The following CNTN3 variants were observed in gnomAD, a reference collection of about 807,000 sequenced individuals.
CNTN3 encodes the protein contactin-3.
Under a neutral mutation model 119.1 loss-of-function variants are expected in CNTN3, and 60 were observed. That is an observed-to-expected ratio of 0.50 (90% confidence interval 0.41 to 0.62). The LOEUF is 0.62. Among genes scored for constraint, CNTN3 ranks in the 20% least tolerant of loss-of-function variants. The pLI is 0.00. For synonymous variants in CNTN3, 450 were observed against 438.7 expected, an observed-to-expected ratio of 1.03 and a Z score of -0.32; for missense variants, 1,101 against 1,242.4, an observed-to-expected ratio of 0.89 and a Z score of 1.71.
chr3:74,344,393 A>G (rs539440687), intron 11 of CNTN3, among the ~76,000 whole-genome samples: 5 of 128,050 alleles, frequency 3.9e-5, no homozygotes, highest in South Asian at 2.5e-4. Context: ...AACCTTACAC[A>G]GTGGTTTTTT....
chr3:74,281,000 C>G (rs1365857578), intron 20 of CNTN3, among the ~76,000 whole-genome samples: 1 of 152,080 alleles, frequency 6.6e-6, no homozygotes, highest in Non-Finnish European at 1.5e-5. Flanking sequence ...GGAGGAAGAG[C>G]TTTCGAGATA....
At chr3:74,611,458 AAT>A (rs2106719432) in intron 1 of CNTN3, among the ~76,000 whole-genome samples, 1 of 152,292 alleles carries the variant, frequency 6.6e-6, no homozygotes, top group East Asian at 1.9e-4. Context: ...TTTCCAAAGA[AAT>A]GTCCCACTGT....
chr3:74,485,716 A>G (rs759053252), intron 4 of CNTN3, among the ~76,000 whole-genome samples: 1 of 149,810 alleles, frequency 6.7e-6, no homozygotes, highest in Non-Finnish European at 1.5e-5. Flanking sequence ...ATACACAACT[A>G]AAATAAAGAG....
At chr3:74,480,101 A>AT (rs908239273) in intron 4 of CNTN3, among the ~76,000 whole-genome samples, 133 of 152,218 alleles carry the variant, frequency 8.7e-4, no homozygotes, top group Non-Finnish European at 1.1e-3. Context: ...TTATGGCCCA[A>AT]TAAAATCCTA....
chr3:74,305,113 T>C (rs973024668), intron 13 of CNTN3, among the ~76,000 whole-genome samples: 1 of 152,216 alleles, frequency 6.6e-6, no homozygotes, highest in Non-Finnish European at 1.5e-5. Context: ...CTTTCTAGGA[T>C]GTAAACTCAA....
intron 4 of CNTN3, among the ~76,000 whole-genome samples, chr3:74,476,134 A>G (rs542482387): frequency 6.6e-6 from 1 of 152,174 alleles, no homozygotes; most frequent in South Asian, 2.1e-4. Flanking sequence ...CATGAGTTCA[A>G]TGTTAATGAA....
intron 13 of CNTN3, among the ~76,000 whole-genome samples, chr3:74,320,111 G>A (rs1183067078): frequency 1.3e-5 from 2 of 152,144 alleles, no homozygotes; most frequent in Non-Finnish European, 2.9e-5. Flanking sequence ...TCAGTGTGGC[G>A]ATTCCTCAGG....
At chr3:74,539,371 T>C (rs62268718) in intron 1 of CNTN3, among the ~76,000 whole-genome samples, 3,010 of 152,192 alleles carry the variant, frequency 0.02, 52 homozygotes, top group Non-Finnish European at 0.027. Flanking sequence ...ATGAGGGTGT[T>C]TAATCTTTCC....
chr3:74,290,521 T>G (rs1251123082), intron 19 of CNTN3, among the ~76,000 whole-genome samples: 1 of 152,198 alleles, frequency 6.6e-6, no homozygotes, highest in Non-Finnish European at 1.5e-5. Flanking sequence ...CGGTTTGGAA[T>G]CCCACAAGCC....
intron 2 of CNTN3, among the ~76,000 whole-genome samples, chr3:74,516,769 T>A (rs1703457254): frequency 6.9e-6 from 1 of 144,330 alleles, no homozygotes; most frequent in South Asian, 2.1e-4. Context: ...GAGCTAGCCC[T>A]GATAAGTAAA....
intron 1 of CNTN3, among the ~76,000 whole-genome samples, chr3:74,522,783 G>GA (rs59747912): frequency 0.067 from 9,825 of 146,850 alleles, 705 homozygotes; most frequent in African/African-American, 0.17. Context: ...GTGGAAAAAG[G>GA]AAAAAAAAAA....
chr3:74,461,216 A>G (rs1702361568), intron 4 of CNTN3, among the ~76,000 whole-genome samples: 2 of 152,004 alleles, frequency 1.3e-5, no homozygotes, highest in Non-Finnish European at 2.9e-5. Context: ...CAATTTGGTC[A>G]TGATGTATAA....
At chr3:74,418,043 G>A (rs1420061527) in intron 5 of CNTN3, among the ~76,000 whole-genome samples, 1 of 152,040 alleles carries the variant, frequency 6.6e-6, no homozygotes, top group East Asian at 1.9e-4. Flanking sequence ...TCTTGATCTT[G>A]CAGTTTGTGG....
At chr3:74,397,011 T>C (rs1705074104) in intron 5 of CNTN3, among the ~76,000 whole-genome samples, 1 of 152,178 alleles carries the variant, frequency 6.6e-6, no homozygotes, top group African/African-American at 2.4e-5. Context: ...GAAGATGTGA[T>C]CTAGGACTTT....
rs565952532 is a variant in CNTN3, at chr3:74,458,495, C to A, written c.358+27961G>T. On this transcript the variant is annotated intron_variant, in intron 4 of 22. Transcript: ENST00000263665. ...CCATGAGTATAGTTTTATTGGAACA[C>A]AAGCCACCCCCATTTGTCTACATAT... Among the ~76,000 whole-genome samples the A allele has an allele frequency of 2.8e-4, 42 of 152,138 alleles. 1 individual carries two copies. The highest frequency in any genetic ancestry group is 3.4e-3 in the Middle Eastern group (1 of 292).
At chr3:74,536,679 CT>C (rs1224069843) in intron 1 of CNTN3, among the ~76,000 whole-genome samples, 1 of 152,090 alleles carries the variant, frequency 6.6e-6, no homozygotes, top group Non-Finnish European at 1.5e-5. Flanking sequence ...TTCCTGCTTA[CT>C]TAGACCCTCC....
At chr3:74,550,330 G>T (rs192171763) in intron 1 of CNTN3, among the ~76,000 whole-genome samples, 20 of 152,286 alleles carry the variant, frequency 1.3e-4, no homozygotes, top group African/African-American at 3.6e-4. Flanking sequence ...TTGGTCAGAA[G>T]CCTAAAAGAA....
Position 74,451,316 on chromosome 3 carries a change from G to T in CNTN3, c.359-26376C>A, listed in dbSNP as rs574585888. Among the ~76,000 whole-genome samples the T allele has an allele frequency of 1.5e-3, 223 of 152,158 alleles. 2 individuals are homozygous for T. The highest frequency in any genetic ancestry group is 5.1e-3 in the African/African-American group (212 of 41,538). On this transcript the variant is annotated intron_variant, in intron 4 of 22. Transcript: ENST00000263665. ...TTTTGGCTGCATAAATGTCTTCTTT[G>T]GAGAAGTGTCTGTTCATGTCCATTG...
chr3:74,569,349 G>A (rs891221742), intron 1 of CNTN3, among the ~76,000 whole-genome samples: 6 of 151,720 alleles, frequency 4.0e-5, no homozygotes, highest in African/African-American at 1.5e-4. Flanking sequence ...ACCACAGAAT[G>A]GAACAAACTA....
Sources: gnomAD v4.1 joint callset for allele counts (sites outside exome capture counted in the v4.1 genomes callset) on GRCh38, gnomAD v4.1.1 for gene constraint, MANE v1.5 for transcripts, NCBI Gene and HGNC (gene_info 2026-07-23, HGNC 2026-07-21) for gene names.